Variants in PREP observed in about 807,000 individuals in gnomAD.
PREP encodes the protein prolyl endopeptidase, also known as dJ355L5.1 (prolyl endopeptidase).
In PREP, 29 loss-of-function variants were observed where a neutral mutation model predicts 87.6. The ratio of observed to expected loss-of-function variants is 0.33; its 90% confidence interval spans 0.25 to 0.45. PREP has a LOEUF of 0.45. Ranked by LOEUF, PREP falls within the 20% of genes least tolerant of loss-of-function variation. The pLI, the probability that PREP is intolerant of heterozygous loss-of-function variation, is 1.00. For missense variants in PREP, 695 were observed against 886.5 expected, an observed-to-expected ratio of 0.78 and a Z score of 2.74; for synonymous variants, 337 against 328.6, an observed-to-expected ratio of 1.03 and a Z score of -0.28.
At chr6:105,352,299 GGT>G (rs1771978744) in intron 7 of PREP, among the ~76,000 whole-genome samples, 1 of 152,046 alleles carries the variant, frequency 6.6e-6, no homozygotes, top group Non-Finnish European at 1.5e-5. Flanking sequence ...TGATAGTGCT[GGT>G]ATGATAGAGA....
intron 7 of PREP, among the ~76,000 whole-genome samples, chr6:105,346,438 C>T (rs940746964): frequency 6.6e-5 from 10 of 152,132 alleles, no homozygotes; most frequent in Admixed American, 6.5e-4. Context: ...CAGGAAAAAG[C>T]CAATTTTCTT....
At chr6:105,320,455 C>A (rs2114642951) in intron 10 of PREP, among the ~76,000 whole-genome samples, 1 of 152,288 alleles carries the variant, frequency 6.6e-6, no homozygotes, top group South Asian at 2.1e-4. Context: ...TGCTCAGGGT[C>A]TTAAGGGAAT....
intron 6 of PREP, among the ~76,000 whole-genome samples, chr6:105,362,354 G>A (rs903718062): frequency 3.3e-5 from 5 of 152,174 alleles, no homozygotes; most frequent in African/African-American, 7.2e-5. Context: ...CCAACTACTC[G>A]GGAGGCTGAG....
At chr6:105,306,562 C>A (rs1272404117) in intron 10 of PREP, among the ~76,000 whole-genome samples, 3 of 152,140 alleles carry the variant, frequency 2.0e-5, no homozygotes, top group Non-Finnish European at 4.4e-5. Flanking sequence ...CAGTCTATAT[C>A]CCCTGTGACT....
chr6:105,343,379 A>C lies in PREP; in HGVS notation c.823+9593T>G, dbSNP rs545790424. On this transcript the variant is annotated intron_variant, in intron 7 of 14. Coordinates refer to ENST00000652536, the MANE Select transcript of PREP (RefSeq NM_002726.5). Reference sequence around the variant, plus strand: ...TATACCTTATACAAAAATTAATTCAAGATGGATTAAAGACTTAAATGTTAG... The same window carrying C: ...TATACCTTATACAAAAATTAATTCACGATGGATTAAAGACTTAAATGTTAG... Among the ~76,000 whole-genome samples, 12 of 152,360 alleles carry C rather than the reference A, an allele frequency of 7.9e-5. No individual in the cohort carries two copies. In the South Asian group the frequency reaches 2.5e-3, roughly 32 times the overall value.
At chr6:105,285,840 A>G (rs1418243315) in intron 11 of PREP, among the ~76,000 whole-genome samples, 2 of 152,178 alleles carry the variant, frequency 1.3e-5, no homozygotes, top group African/African-American at 4.8e-5. Flanking sequence ...CAGTGACACA[A>G]TCATGGCTCA....
At chr6:105,303,553 T>C (rs1404856757) in intron 10 of PREP, among the ~76,000 whole-genome samples, 2 of 151,952 alleles carry the variant, frequency 1.3e-5, no homozygotes, top group African/African-American at 4.8e-5. Flanking sequence ...AGAAGTTCAC[T>C]TGTTTGACCT....
intron 8 of PREP, among the ~76,000 whole-genome samples, chr6:105,330,499 C>T (rs1023146803): frequency 1.3e-5 from 2 of 152,060 alleles, no homozygotes; most frequent in East Asian, 1.9e-4. Context: ...GCTGGGAGAG[C>T]AGGAGTGAGA....
In PREP at chr6:105,373,562, T is replaced by G; in HGVS notation, c.402A>C (p.Glu134Asp). The G allele has an allele frequency of 6.2e-7, 1 of 1,614,134 alleles. No homozygotes were observed. Among genetic ancestry groups the G allele is most frequent in the Non-Finnish European group, 8.5e-7 (1 of 1,179,994 alleles). The change falls in exon 5 of 15, where the codon GAA (glutamate) becomes GAC (aspartate). Residue 134 changes from glutamate to aspartate, a missense_variant. Physicochemically the swap from Glu to Asp is conservative, Grantham distance 45 (BLOSUM62 2). Around this residue, in one of 5 missense-constraint regions of PREP, gnomAD observed 517 missense variants for 620.3 expected, o/e 0.83. Coordinates refer to ENST00000652536, the MANE Select transcript of PREP (RefSeq NM_002726.5). ...TVALRGYAFS[E>D]DGEYFAYGLS... is the part of the protein sequence containing the mutation. ...GACCATAGGCAAAATATTCACCATCTTCGCTGAACGCATAACCTATGGGAC... is the reference window on the plus strand; with the variant it reads ...GACCATAGGCAAAATATTCACCATCGTCGCTGAACGCATAACCTATGGGAC...
chr6:105,318,099 G>T (rs1445122145), intron 10 of PREP, among the ~76,000 whole-genome samples: 1 of 152,006 alleles, frequency 6.6e-6, no homozygotes, highest in African/African-American at 2.4e-5. Context: ...TTTTTGCCTT[G>T]TGTGGCAGAC....
rs191543499 is a variant in PREP at position 105,299,468 on chromosome 6, G to A, written c.1318-10574C>T. On this transcript the variant is annotated intron_variant, in intron 10 of 14. Coordinates refer to ENST00000652536, the MANE Select transcript of PREP (RefSeq NM_002726.5). ...ACAAAACTTAGCCAGGCATGGTGGAGGACACCTGTAGTCCCAGCTATTCAG... is the reference window on the plus strand; with the variant it reads ...ACAAAACTTAGCCAGGCATGGTGGAAGACACCTGTAGTCCCAGCTATTCAG... Among the ~76,000 whole-genome samples, 79 of 152,250 alleles carry A rather than the reference G, an allele frequency of 5.2e-4. 1 individual carries two copies. The highest frequency in any genetic ancestry group is 1.6e-4 in the Non-Finnish European group (11 of 68,026).
At chr6:105,355,151 G>C (rs1377864763) in intron 6 of PREP, among the ~76,000 whole-genome samples, 1 of 150,602 alleles carries the variant, frequency 6.6e-6, no homozygotes, top group East Asian at 2.0e-4. Flanking sequence ...GAGTGCAGTG[G>C]CACTCCAACC....
intron 4 of PREP, among the ~76,000 whole-genome samples, chr6:105,374,669 T>C (rs1772643102): frequency 4.2e-5 from 3 of 71,238 alleles, no homozygotes; most frequent in African/African-American, 1.5e-4. Flanking sequence ...TATATATATA[T>C]ATATATATAT....
intron 10 of PREP, among the ~76,000 whole-genome samples, chr6:105,311,859 C>T (rs1562195364): frequency 6.6e-6 from 1 of 152,182 alleles, no homozygotes; most frequent in Non-Finnish European, 1.5e-5. Context: ...TAAATCCAAA[C>T]AGGTGAGCTT....
At chr6:105,350,892 T>C (rs1771931934) in intron 7 of PREP, among the ~76,000 whole-genome samples, 1 of 152,196 alleles carries the variant, frequency 6.6e-6, no homozygotes, top group Non-Finnish European at 1.5e-5. Context: ...CACTGGAGAA[T>C]GCTGATCCAA....
At chr6:105,322,701 C>T in intron 10 of PREP, 1 of 996,026 alleles carries the variant, frequency 1.0e-6, no homozygotes, top group Non-Finnish European at 1.2e-6. Flanking sequence ...AAACAGGAGG[C>T]CAGTTTGCCA....
In PREP at chr6:105,274,592, C is replaced by T. The variant is rs1464803343; in HGVS notation, c.*3552G>A. 6.6e-6 allele frequency among the ~76,000 whole-genome samples: 1 copy of T among 151,982 alleles called. No homozygotes were observed. The highest frequency in any genetic ancestry group is 1.9e-4 in the East Asian group (1 of 5,188). ...ACCAGCCTGGCCAACATGGTGAAAC[C>T]CCATCTCTACTAAAAATACAAAAAG... On this transcript the variant is annotated 3_prime_UTR_variant, in exon 15 of 15. Transcript: ENST00000652536.
At chr6:105,310,022 G>C (rs973277995) in intron 10 of PREP, among the ~76,000 whole-genome samples, 2 of 152,052 alleles carry the variant, frequency 1.3e-5, no homozygotes, top group African/African-American at 4.8e-5. Flanking sequence ...AAGCCTTGTT[G>C]GTAAAGTTTT....
chr6:105,368,946 C>A lies in PREP; in HGVS notation c.674G>T (p.Cys225Phe). The change falls in exon 6 of 15, where the codon TGT becomes TTT. Residue 225 changes from cysteine (C) to phenylalanine (F), a missense_variant. Around this residue, in one of 5 missense-constraint regions of PREP, gnomAD observed 517 missense variants for 620.3 expected, o/e 0.83. Coordinates refer to ENST00000652536, the MANE Select transcript of PREP (RefSeq NM_002726.5). ...LGTDQSEDILCAEFPDEPKWM... is the reference protein window; with the variant it reads ...LGTDQSEDILFAEFPDEPKWM... ...TTTAGGTTCATCAGGAAACTCAGCA[C>A]ACAAAATATCTTCTGACTGATCGGT... 1 of 1,614,054 alleles carries A rather than the reference C, an allele frequency of 6.2e-7. No homozygotes were observed. Among genetic ancestry groups the A allele is most frequent in the Non-Finnish European group, 8.5e-7 (1 of 1,179,976 alleles).
Sources: gnomAD v4.1 joint callset for allele counts (sites outside exome capture counted in the v4.1 genomes callset) on GRCh38, gnomAD v4.1.1 for gene constraint, gnomAD v4.1.1 regional missense constraint, MANE v1.5 for transcripts, NCBI Gene and HGNC (gene_info 2026-07-23, HGNC 2026-07-21) for gene names.